XPC: variants seen among roughly 807,000 people sequenced by gnomAD.
XPC encodes the protein XPC complex subunit, DNA damage recognition and repair factor.
XPC carries 76 observed loss-of-function variants against 95.8 expected under a neutral mutation model. The ratio of observed to expected loss-of-function variants is 0.79; its 90% CI spans 0.66 to 0.96. The LOEUF (loss-of-function observed/expected upper bound fraction) is 0.96, where lower values mean the gene tolerates loss of function less well. Ranked by LOEUF, XPC falls within the 40% of genes least tolerant of loss-of-function variation. The pLI is 0.00. For synonymous variants in XPC, 442 were observed against 442.1 expected, an observed-to-expected ratio of 1.00 and a Z score of 0.00; for missense variants, 1,146 against 1,179.8, an observed-to-expected ratio of 0.97 and a Z score of 0.42.
chr3:14,153,941 A>G lies in XPC; in HGVS notation c.2034-1525T>C, dbSNP rs117421289. On this transcript the variant is annotated intron_variant, in intron 10 of 15. Coordinates refer to ENST00000285021, the MANE Select transcript of XPC (RefSeq NM_004628.5). ...GGGCGGAACATCTTTGACTGCCCAG[A>G]GGAGTGATTATGTCATGGTCGTGGT... is the stretch of plus-strand genomic sequence containing the variant. Among the ~76,000 whole-genome samples, 301 of 152,324 alleles carry G rather than the reference A, an allele frequency of 2.0e-3. 3 individuals carry two copies. The East Asian group carries it at 0.026, about 13-fold the overall frequency.
chr3:14,148,386 CT>C, intron 13 of XPC, 175 bp downstream of exon 13: 7 of 884,136 alleles, frequency 7.9e-6, no homozygotes. Context: ...TCCGTTCCCT[CT>C]GGAGGGAAGC....
chr3:14,174,463 A>G (rs915551290), intron 1 of XPC, among the ~76,000 whole-genome samples: 8 of 152,242 alleles, frequency 5.3e-5, no homozygotes, highest in African/African-American at 1.9e-4. Context: ...AGGATACTTC[A>G]GAGGCATCAC....
At chr3:14,175,875 C>T (rs797015044) in intron 1 of XPC, among the ~76,000 whole-genome samples, 3 of 152,346 alleles carry the variant, frequency 2.0e-5, no homozygotes, top group Non-Finnish European at 4.4e-5. Flanking sequence ...CAAACCACAA[C>T]AAAGGTTGTA....
At chr3:14,159,224 C>T (rs1045018090) in intron 8 of XPC, among the ~76,000 whole-genome samples, 3 of 152,236 alleles carry the variant, frequency 2.0e-5, no homozygotes, top group Non-Finnish European at 4.4e-5. Context: ...ACTTAACCTC[C>T]GAGTTTCAGT....
At chr3:14,148,538 C>T (rs1389851983) in intron 13 of XPC, 24 bp downstream of exon 13, 3 of 1,612,400 alleles carry the variant, frequency 1.9e-6, no homozygotes, top group Admixed American at 1.7e-5. Flanking sequence ...TGTGTTTAGC[C>T]TCCATCGAAG....
chr3:14,172,315 A>G (rs1696646951), intron 2 of XPC, among the ~76,000 whole-genome samples: 1 of 152,096 alleles, frequency 6.6e-6, no homozygotes, highest in African/African-American at 2.4e-5. Flanking sequence ...CACACTCCCT[A>G]GAAGCGCTAC....
intron 1 of XPC, among the ~76,000 whole-genome samples, chr3:14,174,263 A>G (rs1696724473): frequency 6.6e-6 from 1 of 152,106 alleles, no homozygotes; most frequent in African/African-American, 2.4e-5. Context: ...TTCAAAATTA[A>G]TTTTTTCAAA....
chr3:14,178,529 G>A lies in XPC; in HGVS notation c.40C>T (p.Arg14Cys). 2 of 1,612,932 alleles carry A rather than the reference G, an allele frequency of 1.2e-6. No individual in the cohort carries two copies. The highest frequency in any genetic ancestry group is 1.7e-6 in the Non-Finnish European group (2 of 1,179,606). The part of the protein sequence containing the change: ...KRAAGGEPRG[R>C]ELRSQKSKAK... The stretch of plus-strand genomic sequence containing the variant: ...TTGGATTTCTGGCTGCGCAGTTCGC[G>A]TCCCCGCGGCTCCCCGCCGGCCGCG... Residue 14 changes from arginine to cysteine, a missense_variant, in exon 1 of 16, where the codon CGC becomes TGC. Arg to Cys is a radical substitution (Grantham distance 180). Coordinates refer to ENST00000285021, the MANE Select transcript of XPC (RefSeq NM_004628.5).
chr3:14,177,188 G>A (rs569146906), intron 1 of XPC, among the ~76,000 whole-genome samples: 30 of 151,930 alleles, frequency 2.0e-4, no homozygotes, highest in African/African-American at 6.8e-4. Context: ...TATATTTCGG[G>A]AAAAAAAATA....
chr3:14,152,445 AACTCAGTCCACAGCCCC>A, intron 10 of XPC, 29 bp from the exon 11 acceptor site: 1 of 1,591,864 alleles, frequency 6.3e-7, no homozygotes, highest in East Asian at 2.3e-5. Flanking sequence ...ACACAAAGGT[AACTCAGTCCACAGCCCC>A]ACTGCGGGAA....
At position 14,145,395 on chromosome 3, in the gene XPC, GCT is replaced by G; in HGVS notation, c.*544_*545del. The G allele has an allele frequency of 2.9e-6, 2 of 699,666 alleles. No individual in the cohort carries two copies. The highest frequency in any genetic ancestry group is 5.2e-6 in the Non-Finnish European group (2 of 384,448). The allele number at this position is 699,666 out of a possible 1,614,324, so 43.3% of individuals were successfully genotyped here. ...CCCAGCAGATGACCTGTACTTCTCT[GCT>G]CTCTCCCCTACTGCAAAGAGGCAGT... is the stretch of plus-strand genomic sequence containing the variant. On this transcript the variant is annotated 3_prime_UTR_variant, in exon 16 of 16. Coordinates refer to ENST00000285021, the MANE Select transcript of XPC (RefSeq NM_004628.5).
chr3:14,159,055 T>C (rs1277064165), intron 8 of XPC, among the ~76,000 whole-genome samples, 163 bp from the exon 9 acceptor site: 1 of 152,174 alleles, frequency 6.6e-6, no homozygotes, highest in Non-Finnish European at 1.5e-5. Flanking sequence ...TTCAGGGTTG[T>C]ATGTATGTAT....
chr3:14,156,641 C>T (rs1695923306), intron 9 of XPC, 146 bp from the exon 10 acceptor site: 3 of 1,089,404 alleles, frequency 2.8e-6, no homozygotes, highest in Non-Finnish European at 4.1e-6. Flanking sequence ...AACATCGCAT[C>T]TGTACCTCCG....
In XPC at chr3:14,170,518, T is replaced by A. The variant is rs764028607; in HGVS notation, c.332A>T (p.His111Leu). 6.2e-6 allele frequency: 10 copies of A among 1,613,478 alleles called. No individual in the cohort carries two copies. The East Asian group carries it at 6.7e-5, about 11-fold the overall frequency. Residue 111 changes from histidine to leucine, a missense_variant, in exon 3 of 16, where the codon CAT becomes CTT. His to Leu is a moderately conservative substitution (Grantham distance 99, BLOSUM62 -3). Coordinates refer to ENST00000285021, the MANE Select transcript of XPC (RefSeq NM_004628.5). ...DFPSDLKKAH[H>L]LKRGATMNED... ...ATTCATGGTAGCCCCTCTCTTCAGATGGTGTGCCTTCTTGAGGTCACTTGG... is the reference window on the plus strand; with the variant it reads ...ATTCATGGTAGCCCCTCTCTTCAGAAGGTGTGCCTTCTTGAGGTCACTTGG...
intron 10 of XPC, among the ~76,000 whole-genome samples, chr3:14,154,520 T>C (rs1382129621): frequency 1.3e-5 from 2 of 152,054 alleles, no homozygotes; most frequent in Non-Finnish European, 2.9e-5. Flanking sequence ...TGAGGCATTA[T>C]GCTAAGTGAA....
chr3:14,148,051 C>A (rs1016104948), intron 13 of XPC, 50 bp from the exon 14 acceptor site: 3 of 1,462,088 alleles, frequency 2.1e-6, no homozygotes, highest in Non-Finnish European at 2.8e-6. Context: ...GCCTGCTCTG[C>A]CTCTCCTCCC....
Position 14,148,717 on chromosome 3 carries a change from C to G in XPC, c.2265G>C (p.Glu755Asp). 6.2e-7 allele frequency: 1 copy of G among 1,614,016 alleles called. No individual in the cohort carries two copies. Among genetic ancestry groups the G allele is most frequent in the Non-Finnish European group, 8.5e-7 (1 of 1,179,872 alleles). Reference sequence around the variant, plus strand: ...GCAGGAAGAGGTACACATTCCCAAACTCGTTCCGGGGCACCTGTGTCGGGT... The same window carrying G: ...GCAGGAAGAGGTACACATTCCCAAAGTCGTTCCGGGGCACCTGTGTCGGGT... The part of the protein sequence containing the change: ...VAVDGKVPRN[E>D]FGNVYLFLPS... The change falls in exon 13 of 16, where the codon GAG (glutamate) becomes GAC (aspartate). Residue 755 changes from glutamate (E) to aspartate (D), a missense_variant. Physicochemically the swap from Glu to Asp is conservative, Grantham distance 45. Transcript: ENST00000285021.
At chr3:14,151,116 G>A (rs184652607) in intron 11 of XPC, among the ~76,000 whole-genome samples, 91 of 152,198 alleles carry the variant, frequency 6.0e-4, no homozygotes, top group Non-Finnish European at 9.0e-4. Flanking sequence ...TGAGAGATTT[G>A]GGATTCCAGA....
chr3:14,146,183 G>A (rs1325438903), intron 15 of XPC, 24 bp from the exon 16 acceptor site: 1 of 1,583,454 alleles, frequency 6.3e-7, no homozygotes, highest in African/African-American at 1.3e-5. Flanking sequence ...AGTGGTGGGA[G>A]GACACAGGCG....
Sources: allele counts gnomAD v4.1 joint callset (sites outside exome capture counted in the v4.1 genomes callset), GRCh38; gene constraint gnomAD v4.1.1; transcripts MANE v1.5; gene names NCBI Gene and HGNC (gene_info 2026-07-23, HGNC 2026-07-21).